HEATR1: variants seen among roughly 807,000 people sequenced by gnomAD.
HEATR1 encodes the protein HEAT repeat containing 1.
Under a neutral mutation model 248.2 loss-of-function variants are expected in HEATR1, and 77 were observed. The ratio of observed to expected loss-of-function variants is 0.31; its 90% CI spans 0.26 to 0.37. The LOEUF is 0.37. Ranked by LOEUF, HEATR1 falls within the 10% of genes least tolerant of loss-of-function variation. HEATR1 has a pLI of 1.00. For missense variants in HEATR1, 2,420 were observed against 2,504.9 expected, an observed-to-expected ratio of 0.97 and a Z score of 0.72; for synonymous variants, 897 against 923.1, an observed-to-expected ratio of 0.97 and a Z score of 0.51.
chr1:236,591,273 T>G (rs1664030463), intron 11 of HEATR1, among the ~76,000 whole-genome samples: 1 of 152,210 alleles, frequency 6.6e-6, no homozygotes, highest in Non-Finnish European at 1.5e-5. Context: ...AATCCCTGTT[T>G]TAGCACCTTC....
chr1:236,571,756 C>G (rs1308823019), intron 26 of HEATR1, 70 bp from the exon 27 acceptor site: 1 of 1,124,850 alleles, frequency 8.9e-7, no homozygotes, highest in Non-Finnish European at 1.4e-6. Context: ...CATTAATGGC[C>G]ATTGTCCAGA....
chr1:236,549,827 A>T lies in HEATR1; in HGVS notation c.*1075T>A, dbSNP rs1180662231. On this transcript the variant is annotated 3_prime_UTR_variant, in exon 45 of 45. Coordinates refer to ENST00000366582, the MANE Select transcript of HEATR1 (RefSeq NM_018072.6). The stretch of plus-strand genomic sequence containing the variant: ...CATTTTCATTTTACGTGGAGGAAAA[A>T]AATTTAAAAAGCTATTAGTATTTAT... 5 of 152,216 alleles carry T rather than the reference A, an allele frequency of 3.3e-5. No homozygotes were observed. The highest frequency in any genetic ancestry group is 1.2e-4 in the African/African-American group (5 of 41,448). 9.4% of individuals were successfully genotyped at this position (152,216 alleles called of 1,614,324 possible). A position where few individuals can be genotyped will look rare whatever the true frequency, so the allele number is the denominator to read the frequency against.
intron 19 of HEATR1, among the ~76,000 whole-genome samples, chr1:236,581,724 A>G (rs1332435092): frequency 1.3e-5 from 2 of 152,200 alleles, no homozygotes; most frequent in Non-Finnish European, 2.9e-5. Context: ...ACTCCATGTC[A>G]AATGCTGTAG....
At position 236,597,836 on chromosome 1, in the gene HEATR1, A is replaced by G. The variant is rs764125771; in HGVS notation, c.603+42T>C. 5.5e-6 allele frequency: 7 copies of G among 1,266,134 alleles called. 1 individual carries two copies. In the South Asian group the frequency reaches 6.3e-5, roughly 11 times the overall value. 78.4% of individuals were successfully genotyped at this position (1,266,134 alleles called of 1,614,324 possible). A position where few individuals can be genotyped will look rare whatever the true frequency, so the allele number is the denominator to read the frequency against. ...ATGTTTTCTTCATTCAAAGCAAGCA[A>G]TCTTTTCATAAAATTATATACTCAT... On this transcript the variant is annotated intron_variant, in intron 5 of 44. Transcript: ENST00000366582.
At chr1:236,601,088 A>C (rs1664310910) in intron 3 of HEATR1, among the ~76,000 whole-genome samples, 1 of 152,300 alleles carries the variant, frequency 6.6e-6, no homozygotes, top group South Asian at 2.1e-4. Context: ...TTGGGGGTAA[A>C]GTTAGGTGCT....
At chr1:236,563,557 C>A (rs562850932) in intron 32 of HEATR1, among the ~76,000 whole-genome samples, 1 of 152,118 alleles carries the variant, frequency 6.6e-6, no homozygotes, top group African/African-American at 2.4e-5. Flanking sequence ...CAGGTGTGAG[C>A]GAGGATTTTT....
At chr1:236,555,174 T>C in intron 41 of HEATR1, 122 bp downstream of exon 41, 1 of 998,700 alleles carries the variant, frequency 1.0e-6, no homozygotes, top group Non-Finnish European at 1.5e-6. Flanking sequence ...AAATTCACCC[T>C]CCTTAGCTTA....
intron 37 of HEATR1, 90 bp from the exon 38 acceptor site, chr1:236,556,348 G>T: frequency 7.4e-7 from 1 of 1,342,582 alleles, no homozygotes; most frequent in Non-Finnish European, 1.0e-6. Context: ...TGAGGTACTA[G>T]TGTTTGGAAA....
intron 26 of HEATR1, 140 bp downstream of exon 26, chr1:236,572,271 C>CTTTTAA (rs1663449691): frequency 9.9e-7 from 1 of 1,013,998 alleles, no homozygotes; most frequent in Non-Finnish European, 1.4e-6. Context: ...TAAAACCAAT[C>CTTTTAA]TTTTAATTTC....
intron 26 of HEATR1, 147 bp from the exon 27 acceptor site, chr1:236,571,833 G>C: frequency 1.5e-6 from 1 of 655,624 alleles, no homozygotes; most frequent in South Asian, 1.8e-5. Context: ...ATCAAGTCTA[G>C]AAATAAGATA....
rs67239913 is a variant in HEATR1, at chr1:236,592,637, TAA to T, written c.1194-6_1194-5del. The T allele has an allele frequency of 9.6e-4, 824 of 861,284 alleles. No homozygotes were observed. Among genetic ancestry groups the T allele is most frequent in the Middle Eastern group, 1.2e-3 (4 of 3,314 alleles). The allele number at this position is 861,284 out of a possible 1,614,324, so 53.4% of individuals were successfully genotyped here. ...AATATACTCTTCAAATAGAAGGCTG[TAA>T]AAAAAAAAACAGAAATATCAGCATA... On this transcript the variant is annotated splice_region_variant and splice_polypyrimidine_tract_variant and intron_variant, in intron 9 of 44. Coordinates refer to ENST00000366582, the MANE Select transcript of HEATR1 (RefSeq NM_018072.6).
chr1:236,574,943 C>G, intron 22 of HEATR1, 40 bp from the exon 23 acceptor site: 5 of 1,585,782 alleles, frequency 3.2e-6, no homozygotes, highest in Non-Finnish European at 4.3e-6. Flanking sequence ...GTTATGTATA[C>G]TGATATGTTT....
chr1:236,565,322 T>C (rs1437949286), intron 31 of HEATR1, among the ~76,000 whole-genome samples: 1 of 152,190 alleles, frequency 6.6e-6, no homozygotes, highest in African/African-American at 2.4e-5. Flanking sequence ...CCTTTCTTAA[T>C]GAAAAAAAGT....
chr1:236,595,551 T>A lies in HEATR1; in HGVS notation c.1079A>T (p.His360Leu). ...MLPHLVVSII[H>L]HVTGEETEGM... ...ATAAAACCACACACCTGTAACATGA[T>A]GAATGATGGAGACGACCAGATGGGG... Residue 360 changes from histidine to leucine, a missense_variant, in exon 8 of 45, where the codon CAT becomes CTT. His to Leu is a moderately conservative substitution (Grantham distance 99). Coordinates refer to ENST00000366582, the MANE Select transcript of HEATR1 (RefSeq NM_018072.6). 6.2e-7 allele frequency: 1 copy of A among 1,611,358 alleles called. No individual in the cohort carries two copies. Among genetic ancestry groups the A allele is most frequent in the Non-Finnish European group, 8.5e-7 (1 of 1,178,618 alleles).
chr1:236,594,980 T>C (rs931700747), intron 8 of HEATR1, among the ~76,000 whole-genome samples: 4 of 152,046 alleles, frequency 2.6e-5, no homozygotes, highest in Non-Finnish European at 5.9e-5. Flanking sequence ...TGTATATTTT[T>C]GTAGAGACGG....
intron 8 of HEATR1, among the ~76,000 whole-genome samples, chr1:236,594,930 C>T (rs924876482): frequency 1.3e-5 from 2 of 152,146 alleles, no homozygotes; most frequent in African/African-American, 4.8e-5. Context: ...TCCCGAGCAG[C>T]TGGGACCACA....
In HEATR1 at chr1:236,594,146, A is replaced by G. The variant is rs750861486; in HGVS notation, c.1091-32T>C. ...ATGTAAAAATTAAAATTGTGTTGGG[A>G]AAAATTTATTTTGCAAGCTAACATT... On this transcript the variant is annotated intron_variant, in intron 8 of 44. Transcript: ENST00000366582. The G allele has an allele frequency of 5.0e-6, 7 of 1,397,370 alleles. No individual in the cohort carries two copies. In the East Asian group the frequency reaches 1.6e-4, roughly 33 times the overall value. 86.6% of individuals were successfully genotyped at this position (1,397,370 alleles called of 1,614,324 possible). A position where few individuals can be genotyped will look rare whatever the true frequency, so the allele number is the denominator to read the frequency against.
chr1:236,567,623 C>A (rs578185117), intron 29 of HEATR1, among the ~76,000 whole-genome samples: 1 of 152,314 alleles, frequency 6.6e-6, no homozygotes, highest in South Asian at 2.1e-4. Flanking sequence ...GCAGGAGAAT[C>A]ACTTGAAACC....
At chr1:236,571,713 T>C (rs1196005852) in intron 26 of HEATR1, 27 bp from the exon 27 acceptor site, 2 of 1,506,530 alleles carry the variant, frequency 1.3e-6, no homozygotes, top group South Asian at 1.1e-5. Context: ...AGAGAAATGA[T>C]GGGAAATGTA....
Sources: allele counts gnomAD v4.1 joint callset (sites outside exome capture counted in the v4.1 genomes callset), GRCh38; gene constraint gnomAD v4.1.1; transcripts MANE v1.5; gene names NCBI Gene and HGNC (gene_info 2026-07-23, HGNC 2026-07-21).